DIP2C: variants seen among roughly 807,000 people sequenced by gnomAD.
DIP2C encodes disco-interacting protein 2 homolog C.
A neutral mutation model predicts 192.4 loss-of-function variants in DIP2C; 33 were observed. The observed-to-expected ratio is 0.17, with a 90% confidence interval of 0.13 to 0.23. DIP2C has a LOEUF of 0.23. Among genes scored for constraint, DIP2C ranks in the 10% least tolerant of loss-of-function variants. DIP2C has a pLI of 1.00. For synonymous variants in DIP2C, 979 were observed against 864.1 expected (o/e 1.13, Z -2.33); for missense variants, 1,537 against 2,110.1 (o/e 0.73, Z 5.32).
At chr10:491,492 G>A (rs1844445366) in intron 1 of DIP2C, among the ~76,000 whole-genome samples, 1 of 152,186 alleles carries the variant, frequency 6.6e-6, no homozygotes, top group South Asian at 2.1e-4. Context: ...TCTCCAGCAG[G>A]CGCTGCAGAC....
At chr10:408,688 T>C (rs1476123408) in intron 9 of DIP2C, among the ~76,000 whole-genome samples, 1 of 152,180 alleles carries the variant, frequency 6.6e-6, no homozygotes, top group Non-Finnish European at 1.5e-5. Context: ...AAGCTCCACA[T>C]CTAAACTGGG....
chr10:448,724 C>T (rs1968567288), intron 3 of DIP2C, among the ~76,000 whole-genome samples: 1 of 142,070 alleles, frequency 7.0e-6, no homozygotes, highest in African/African-American at 2.6e-5. Flanking sequence ...TCACTCCCAT[C>T]AATACTCATG....
At chr10:571,853 G>T (rs1849834659) in intron 1 of DIP2C, among the ~76,000 whole-genome samples, 1 of 152,184 alleles carries the variant, frequency 6.6e-6, no homozygotes, top group African/African-American at 2.4e-5. Flanking sequence ...CCAGAGCAAG[G>T]CCCAGGGCAG....
intron 3 of DIP2C, among the ~76,000 whole-genome samples, chr10:458,411 G>A (rs945088434): frequency 8.5e-5 from 13 of 152,364 alleles, no homozygotes; most frequent in Middle Eastern, 6.8e-3. Context: ...GAACTTATAC[G>A]GTGACCCCCA....
chr10:303,049 C>T (rs1199308355), intron 32 of DIP2C, among the ~76,000 whole-genome samples: 1 of 152,112 alleles, frequency 6.6e-6, no homozygotes, highest in Non-Finnish European at 1.5e-5. Context: ...CAACACTGCA[C>T]GCGACTGTAG....
intron 1 of DIP2C, among the ~76,000 whole-genome samples, chr10:634,983 T>G (rs894313153): frequency 6.6e-6 from 1 of 152,104 alleles, no homozygotes; most frequent in African/African-American, 2.4e-5. Flanking sequence ...CAAGCAAGAT[T>G]TACGCAGACG....
At chr10:670,339 C>T (rs569699778) in intron 1 of DIP2C, among the ~76,000 whole-genome samples, 38 of 152,118 alleles carry the variant, frequency 2.5e-4, no homozygotes, top group South Asian at 2.5e-3. Flanking sequence ...CATGCGCACG[C>T]GTACATGCAC....
At chr10:515,944 G>T (rs532095143) in intron 1 of DIP2C, among the ~76,000 whole-genome samples, 24 of 151,986 alleles carry the variant, frequency 1.6e-4, no homozygotes, top group Non-Finnish European at 1.0e-4. Context: ...GGCCACACAC[G>T]GAGAGTTTAG....
Position 486,467 on chromosome 10 carries a change from T to C in DIP2C, c.149A>G (p.Gln50Arg). ...RSKLIGAYLP[Q>R]PPRVDQALPQ... The stretch of plus-strand genomic sequence containing the variant: ...TCATGGGGGTTACCTACTCGGAGGC[T>C]GCGGAAGGTAGGCTCCAATTAACTT... Residue 50 changes from glutamine (Q) to arginine (R), a missense_variant, in exon 2 of 37, where the codon CAG becomes CGG. Gln to Arg is a conservative substitution (Grantham distance 43). This residue lies in a region of DIP2C where 473 missense variants were observed against 539.6 expected (regional missense o/e 0.88). Coordinates refer to ENST00000280886, the MANE Select transcript of DIP2C (RefSeq NM_014974.3). The C allele has an allele frequency of 1.9e-6, 3 of 1,601,526 alleles. No homozygotes were observed. Among genetic ancestry groups the C allele is most frequent in the Non-Finnish European group, 2.6e-6 (3 of 1,174,194 alleles).
chr10:363,626 T>C lies in DIP2C; in HGVS notation c.2478-315A>G, dbSNP rs1959809791. On this transcript the variant is annotated intron_variant, in intron 20 of 36. Coordinates refer to ENST00000280886, the MANE Select transcript of DIP2C (RefSeq NM_014974.3). This position sits in a 1 kb window ranked among gnomAD's most constrained non-coding sequence, Gnocchi z 5.4. ...CGCAATGATCAGACCTGCTGAAATT[T>C]AGGGAGTCACACCCTTCACAGCTCG... 6.6e-6 allele frequency among the ~76,000 whole-genome samples: 1 copy of C among 152,158 alleles called. No individual in the cohort carries two copies. The highest frequency in any genetic ancestry group is 2.1e-4 in the South Asian group (1 of 4,826).
chr10:567,873 A>C (rs1180925043), intron 1 of DIP2C, among the ~76,000 whole-genome samples: 1 of 152,106 alleles, frequency 6.6e-6, no homozygotes, highest in Non-Finnish European at 1.5e-5. Flanking sequence ...CCGGTGATCC[A>C]CCCACCCCAG....
intron 3 of DIP2C, among the ~76,000 whole-genome samples, chr10:445,609 T>C (rs1006951364): frequency 5.5e-5 from 7 of 128,394 alleles, no homozygotes; most frequent in Non-Finnish European, 9.0e-5. Flanking sequence ...TGGGCATCTG[T>C]ATACAACTGT....
chr10:325,721 A>G (rs776031945), intron 31 of DIP2C, among the ~76,000 whole-genome samples: 11 of 152,228 alleles, frequency 7.2e-5, no homozygotes, highest in Non-Finnish European at 1.3e-4. Flanking sequence ...GGTGAGATAA[A>G]TCTAATTCTT....
intron 1 of DIP2C, among the ~76,000 whole-genome samples, chr10:653,300 T>A (rs555655272): frequency 1.3e-5 from 2 of 151,892 alleles, no homozygotes; most frequent in East Asian, 3.9e-4. Context: ...AATACAAAAT[T>A]AGCTGGGCAT....
intron 1 of DIP2C, among the ~76,000 whole-genome samples, chr10:609,459 ACATT>A (rs1196341563): frequency 1.3e-5 from 2 of 152,228 alleles, no homozygotes; most frequent in Non-Finnish European, 2.9e-5. Flanking sequence ...GGGCTGACTA[ACATT>A]CAATCAGCAT....
At chr10:450,131 G>A (rs560531841) in intron 3 of DIP2C, among the ~76,000 whole-genome samples, 1 of 152,258 alleles carries the variant, frequency 6.6e-6, no homozygotes, top group Non-Finnish European at 1.5e-5. Flanking sequence ...GCATTTGAAT[G>A]ACTTTTCTCC....
Position 384,751 on chromosome 10 carries a change from A to AGC in DIP2C, c.1663-114_1663-113dup, listed in dbSNP as rs148570169. The AGC allele has an allele frequency of 5.4e-4, 565 of 1,046,380 alleles. 2 individuals are homozygous for AGC. In the East Asian group the frequency reaches 7.4e-3, roughly 14 times the overall value. The allele number at this position is 1,046,380 out of a possible 1,614,324, so 64.8% of individuals were successfully genotyped here. A position where few individuals can be genotyped will look rare whatever the true frequency, so the allele number is the denominator to read the frequency against. On this transcript the variant is annotated intron_variant, in intron 14 of 36. Transcript: ENST00000280886. Reference sequence around the variant, plus strand: ...CACGGGCAGGGGGGAGCTCTCAGGGAGCGCTGCAGACACCATGCACACAGG... The same window carrying AGC: ...CACGGGCAGGGGGGAGCTCTCAGGGAGCGCGCTGCAGACACCATGCACACAGG...
intron 1 of DIP2C, among the ~76,000 whole-genome samples, chr10:518,812 A>AAT (rs1210968036): frequency 6.6e-6 from 1 of 152,142 alleles, no homozygotes; most frequent in Non-Finnish European, 1.5e-5. Context: ...GTTTAATTAA[A>AAT]ATCCCTGTCT....
intron 10 of DIP2C, among the ~76,000 whole-genome samples, chr10:398,040 T>A (rs914897976): frequency 1.3e-5 from 2 of 152,196 alleles, no homozygotes; most frequent in African/African-American, 4.8e-5. Context: ...TAGCAGGCCC[T>A]GAAAGAAATC....
Sources: allele counts gnomAD v4.1 joint callset (sites outside exome capture counted in the v4.1 genomes callset), GRCh38; gene constraint gnomAD v4.1.1; regional missense constraint gnomAD v4.1.1; non-coding constraint Gnocchi (gnomAD v3.1); transcripts MANE v1.5; gene names NCBI Gene and HGNC (gene_info 2026-07-23, HGNC 2026-07-21).